The following HNF4G variants were observed in gnomAD, a reference collection of about 807,000 sequenced individuals.
HNF4G encodes the protein hepatocyte nuclear factor 4-gamma.
A neutral mutation model predicts 50.9 loss-of-function variants in HNF4G; 21 were observed. The observed-to-expected ratio is 0.41, with a 90% confidence interval of 0.29 to 0.59. The LOEUF (loss-of-function observed/expected upper bound fraction) is 0.59. HNF4G is among the 20% of genes least tolerant of loss of function. The pLI, the probability that HNF4G is intolerant of heterozygous loss-of-function variation, is 0.26. For synonymous variants in HNF4G, 198 were observed against 185.6 expected, an observed-to-expected ratio of 1.07 and a Z score of -0.54; for missense variants, 527 against 559.4, an observed-to-expected ratio of 0.94 and a Z score of 0.58.
chr8:75,560,116 A>G (rs1487694379), intron 8 of HNF4G, among the ~76,000 whole-genome samples: 5 of 152,220 alleles, frequency 3.3e-5, no homozygotes, highest in Middle Eastern at 3.2e-3. Flanking sequence ...CACAAGGTCC[A>G]TTATTAATAC....
intron 2 of HNF4G, among the ~76,000 whole-genome samples, chr8:75,533,675 A>T (rs1349096754): frequency 6.6e-6 from 1 of 151,964 alleles, no homozygotes; most frequent in Non-Finnish European, 1.5e-5. Context: ...CTAAAAATAC[A>T]TTTATCAAAA....
chr8:75,431,796 G>GGT, intron 1 of HNF4G, among the ~76,000 whole-genome samples: 1 of 151,786 alleles, frequency 6.6e-6, no homozygotes, highest in East Asian at 1.9e-4. Flanking sequence ...TGTTGTGTCA[G>GGT]GCGCCTGTAA....
intron 2 of HNF4G, among the ~76,000 whole-genome samples, chr8:75,508,350 G>A (rs1311132737): frequency 6.7e-6 from 1 of 149,108 alleles, no homozygotes; most frequent in Admixed American, 6.7e-5. Context: ...ATTGACATGT[G>A]GTTACAAAAG....
In HNF4G at chr8:75,533,706, T is replaced by A. The variant is rs572263161; in HGVS notation, c.-23-10105T>A. ...CAAAAAGGAGGTGAAATATTTAACA[T>A]TTCAGTTGAGCCAGTTATACACCTA... On this transcript the variant is annotated intron_variant, in intron 2 of 10. Transcript: ENST00000354370. 1.1e-3 allele frequency among the ~76,000 whole-genome samples: 167 copies of A among 152,018 alleles called. 3 individuals are homozygous for A. Among genetic ancestry groups the A allele is most frequent in the Non-Finnish European group, 4.6e-4 (31 of 67,796 alleles).
chr8:75,554,231 C>T (rs1563553157), intron 5 of HNF4G, among the ~76,000 whole-genome samples: 1 of 152,078 alleles, frequency 6.6e-6, no homozygotes, highest in Non-Finnish European at 1.5e-5. Flanking sequence ...TTGCTAAAAC[C>T]TACCAGTCTC....
intron 1 of HNF4G, among the ~76,000 whole-genome samples, chr8:75,439,368 T>C (rs946649418): frequency 7.9e-5 from 12 of 152,160 alleles, no homozygotes; most frequent in Middle Eastern, 3.4e-3. Context: ...TGATGAAAAG[T>C]AAATTCCAAA....
intron 2 of HNF4G, among the ~76,000 whole-genome samples, chr8:75,500,876 G>C (rs1812908597): frequency 6.6e-6 from 1 of 152,082 alleles, no homozygotes. Context: ...GGTCGGGCAT[G>C]ACTGTTAATG....
chr8:75,415,074 T>C (rs1268270280), intron 1 of HNF4G, among the ~76,000 whole-genome samples: 1 of 152,234 alleles, frequency 6.6e-6, no homozygotes, highest in Non-Finnish European at 1.5e-5. Flanking sequence ...CTAAAAGATA[T>C]AAGATATTTC....
chr8:75,521,976 G>A, intron 2 of HNF4G, among the ~76,000 whole-genome samples: 1 of 152,110 alleles, frequency 6.6e-6, no homozygotes, highest in East Asian at 1.9e-4. Context: ...GACTTAAGAT[G>A]GGGTTACTTT....
chr8:75,491,767 C>T (rs1465733501), intron 2 of HNF4G, among the ~76,000 whole-genome samples: 8 of 152,146 alleles, frequency 5.3e-5, no homozygotes, highest in South Asian at 2.1e-4. Flanking sequence ...TGAGCCACCG[C>T]GTCAGGCCAG....
intron 1 of HNF4G, among the ~76,000 whole-genome samples, chr8:75,434,007 T>G (rs544127583): frequency 1.3e-5 from 2 of 148,440 alleles, no homozygotes; most frequent in Non-Finnish European, 3.0e-5. Context: ...CTTTTCTTTT[T>G]TTTTTTTTTT....
At chr8:75,415,933 A>C (rs1284239808) in intron 1 of HNF4G, among the ~76,000 whole-genome samples, 2 of 152,172 alleles carry the variant, frequency 1.3e-5, no homozygotes, top group Non-Finnish European at 2.9e-5. Context: ...GGTTCTGATA[A>C]AGTTTGGGTT....
intron 1 of HNF4G, among the ~76,000 whole-genome samples, chr8:75,489,672 T>C (rs1812576957): frequency 6.6e-6 from 1 of 152,224 alleles, no homozygotes; most frequent in Admixed American, 6.5e-5. Context: ...GTACATGGGG[T>C]CATACACACA....
At chr8:75,479,529 A>C (rs1306996741) in intron 1 of HNF4G, among the ~76,000 whole-genome samples, 1 of 151,978 alleles carries the variant, frequency 6.6e-6, no homozygotes, top group Admixed American at 6.6e-5. Context: ...CAGTGTAGAA[A>C]TTAATATCAG....
intron 2 of HNF4G, among the ~76,000 whole-genome samples, chr8:75,521,802 A>G (rs1806050231): frequency 6.6e-6 from 1 of 152,166 alleles, no homozygotes; most frequent in South Asian, 2.1e-4. Context: ...GGCTTTTAAC[A>G]TTAAGTCCAT....
At chr8:75,487,079 T>TA (rs757103134) in intron 1 of HNF4G, among the ~76,000 whole-genome samples, 23 of 152,170 alleles carry the variant, frequency 1.5e-4, no homozygotes, top group Non-Finnish European at 2.9e-5. Flanking sequence ...TGGCAAATAT[T>TA]AAAAACCCAG....
chr8:75,414,643 G>A (rs2980250), intron 1 of HNF4G, among the ~76,000 whole-genome samples: 73,911 of 151,926 alleles, frequency 0.49, 18,220 homozygotes, highest in Middle Eastern at 0.56. Flanking sequence ...ATGGGGTCAC[G>A]CAGTATTATT....
At chr8:75,511,857 C>T (rs1182711468) in intron 2 of HNF4G, among the ~76,000 whole-genome samples, 8 of 152,210 alleles carry the variant, frequency 5.3e-5, no homozygotes, top group African/African-American at 9.6e-5. Flanking sequence ...GGATTACAGG[C>T]GTGAGCCACC....
At chr8:75,448,972 GA>G (rs2130571825) in intron 1 of HNF4G, among the ~76,000 whole-genome samples, 2 of 152,184 alleles carry the variant, frequency 1.3e-5, no homozygotes, top group African/African-American at 4.8e-5. Context: ...AAATGACAAA[GA>G]AAATCAAATA....
Sources: allele counts gnomAD v4.1 joint callset (sites outside exome capture counted in the v4.1 genomes callset), GRCh38; gene constraint gnomAD v4.1.1; transcripts MANE v1.5; gene names NCBI Gene and HGNC (gene_info 2026-07-23, HGNC 2026-07-21).